The following PDGFD variants were observed in gnomAD, a reference collection of about 807,000 sequenced individuals.
PDGFD encodes the protein platelet-derived growth factor D.
Under a neutral mutation model 44.7 loss-of-function variants are expected in PDGFD, and 30 were observed. The ratio of observed to expected loss-of-function variants is 0.67; its 90% CI spans 0.50 to 0.91. The LOEUF is 0.91. Among genes scored for constraint, PDGFD ranks in the 40% least tolerant of loss-of-function variants. The pLI is 0.00. For missense variants in PDGFD, 445 were observed against 457.8 expected (o/e 0.97, Z 0.25); for synonymous variants, 173 against 168.4 (o/e 1.03, Z -0.21).
At chr11:104,069,628 A>T (rs1244590582) in intron 1 of PDGFD, among the ~76,000 whole-genome samples, 1 of 151,662 alleles carries the variant, frequency 6.6e-6, no homozygotes, top group Non-Finnish European at 1.5e-5. Flanking sequence ...TGGGAGTTCG[A>T]GGCCAGCGGA....
chr11:104,103,448 A>ATGTGTGTGTGTGTGTGTGTGTGTG (rs377722057), intron 1 of PDGFD, among the ~76,000 whole-genome samples: 1 of 123,140 alleles, frequency 8.1e-6, no homozygotes, highest in Non-Finnish European at 1.7e-5. Context: ...ACAGACAATT[A>ATGTGTGTGTGTGTGTGTGTGTGTG]TGTGTGTGTG....
intron 1 of PDGFD, among the ~76,000 whole-genome samples, chr11:104,148,060 T>G (rs374253379): frequency 5.3e-5 from 8 of 152,320 alleles, no homozygotes; most frequent in African/African-American, 1.9e-4. Flanking sequence ...TTTTCAAACA[T>G]CAGAAATTTT....
intron 3 of PDGFD, among the ~76,000 whole-genome samples, chr11:103,951,632 A>G (rs1858759088): frequency 6.6e-6 from 1 of 152,168 alleles, no homozygotes; most frequent in Admixed American, 6.5e-5. Flanking sequence ...CAGTCCTGCA[A>G]ATAACACGAC....
intron 1 of PDGFD, among the ~76,000 whole-genome samples, chr11:104,004,872 CT>C (rs33979812): frequency 5.3e-3 from 379 of 71,864 alleles, no homozygotes; most frequent in East Asian, 0.014. Flanking sequence ...TTATTACCAC[CT>C]TTTTTTTTTT....
chr11:103,942,039 C>T (rs1858592078), intron 5 of PDGFD, among the ~76,000 whole-genome samples: 1 of 152,066 alleles, frequency 6.6e-6, no homozygotes, highest in African/African-American at 2.4e-5. Context: ...CCAGGGCCAC[C>T]AGTGACTTTC....
intron 1 of PDGFD, among the ~76,000 whole-genome samples, chr11:104,099,820 T>A (rs1325806855): frequency 6.6e-6 from 1 of 152,028 alleles, no homozygotes; most frequent in African/African-American, 2.4e-5. Context: ...ATTCTAGTAT[T>A]TAATATTTAT....
chr11:103,933,953 A>G (rs377381139), intron 5 of PDGFD, among the ~76,000 whole-genome samples: 70 of 152,322 alleles, frequency 4.6e-4, no homozygotes, highest in African/African-American at 1.5e-3. Context: ...ACCTGGGGTG[A>G]TGTATAAAGC....
At chr11:104,136,396 T>C (rs1194140231) in intron 1 of PDGFD, among the ~76,000 whole-genome samples, 1 of 152,126 alleles carries the variant, frequency 6.6e-6, no homozygotes, top group Non-Finnish European at 1.5e-5. Flanking sequence ...CATCTCCCAG[T>C]GTAAAAAGAT....
intron 1 of PDGFD, among the ~76,000 whole-genome samples, chr11:104,114,492 T>C (rs1861603573): frequency 6.6e-6 from 1 of 152,112 alleles, no homozygotes; most frequent in Non-Finnish European, 1.5e-5. Flanking sequence ...TCTTGATTAC[T>C]ATAGTTTTAT....
intron 3 of PDGFD, among the ~76,000 whole-genome samples, chr11:103,975,276 A>G (rs260827): frequency 0.59 from 89,961 of 152,046 alleles, 27,107 homozygotes; most frequent in African/African-American, 0.69. Flanking sequence ...TTTGTTGGCC[A>G]CATAAATGTC....
At position 104,163,793 on chromosome 11, in the gene PDGFD, G is replaced by A. The variant is rs1035402877; in HGVS notation, c.124+11C>T. On this transcript the variant is annotated intron_variant, in intron 1 of 6. Transcript: ENST00000393158. The stretch of plus-strand genomic sequence containing the variant: ...TTTTTTTTCAGTTAAAAAATAAAAT[G>A]AGTCTCTTACCATCTCGCCTGAGGT... The A allele has an allele frequency of 6.6e-7, 1 of 1,508,846 alleles. No homozygotes were observed. Among genetic ancestry groups the A allele is most frequent in the East Asian group, 2.3e-5 (1 of 42,830 alleles). 93.5% of individuals were successfully genotyped at this position (1,508,846 alleles called of 1,614,324 possible).
chr11:104,004,872 CTTTTTTTTTTT>C (rs33979812), intron 1 of PDGFD, among the ~76,000 whole-genome samples: 6 of 71,892 alleles, frequency 8.3e-5, no homozygotes, highest in East Asian at 5.0e-4. Flanking sequence ...TTATTACCAC[CTTTTTTTTTTT>C]TTTTTTTTTT....
chr11:104,085,632 AATAAC>A (rs1861118616), intron 1 of PDGFD, among the ~76,000 whole-genome samples: 2 of 152,320 alleles, frequency 1.3e-5, no homozygotes, highest in Admixed American at 6.5e-5. Flanking sequence ...TGTTAATAGA[AATAAC>A]ATAATTTTAT....
At chr11:103,941,676 G>T (rs937696941) in intron 5 of PDGFD, among the ~76,000 whole-genome samples, 2 of 151,822 alleles carry the variant, frequency 1.3e-5, no homozygotes, top group Non-Finnish European at 2.9e-5. Context: ...TTTGAATCCA[G>T]GCCTCCTGCC....
intron 3 of PDGFD, among the ~76,000 whole-genome samples, chr11:103,988,609 T>A (rs1156783667): frequency 3.9e-5 from 6 of 152,140 alleles, no homozygotes; most frequent in Admixed American, 2.6e-4. Context: ...TGGATGAGAT[T>A]CAGGGGCCTC....
At chr11:103,930,536 C>G (rs148468698) in intron 5 of PDGFD, among the ~76,000 whole-genome samples, 1 of 134,604 alleles carries the variant, frequency 7.4e-6, no homozygotes, top group African/African-American at 3.2e-5. Flanking sequence ...GGAAACTGAG[C>G]CTTTCAAAAG....
intron 1 of PDGFD, among the ~76,000 whole-genome samples, chr11:104,061,072 C>T (rs1860708638): frequency 6.6e-6 from 1 of 152,144 alleles, no homozygotes; most frequent in Admixed American, 6.5e-5. Context: ...TGCATGGTGT[C>T]TGGCTCATTT....
At chr11:104,119,799 TTATA>T (rs1210056096) in intron 1 of PDGFD, among the ~76,000 whole-genome samples, 80 of 116,456 alleles carry the variant, frequency 6.9e-4, no homozygotes, top group African/African-American at 2.7e-3. Context: ...AAATTATATA[TTATA>T]TATAATATAA....
At chr11:104,136,271 T>C (rs10502028) in intron 1 of PDGFD, among the ~76,000 whole-genome samples, 19,812 of 152,188 alleles carry the variant, frequency 0.13, 1,427 homozygotes, top group East Asian at 0.29. Flanking sequence ...TACTGTCCTA[T>C]AAACATTCTA....
Sources: gnomAD v4.1 joint callset for allele counts (sites outside exome capture counted in the v4.1 genomes callset) on GRCh38, gnomAD v4.1.1 for gene constraint, MANE v1.5 for transcripts, NCBI Gene and HGNC (gene_info 2026-07-23, HGNC 2026-07-21) for gene names.